The following ARAP2 variants were observed in gnomAD, a reference collection of about 807,000 sequenced individuals.
The protein encoded by ARAP2 is arf-GAP with Rho-GAP domain, ANK repeat and PH domain-containing protein 2.
A neutral mutation model predicts 194.5 loss-of-function variants in ARAP2; 148 were observed. That is an observed-to-expected ratio of 0.76 (90% CI 0.67 to 0.87). The LOEUF (loss-of-function observed/expected upper bound fraction) is 0.87. ARAP2 is among the 40% of genes least tolerant of loss of function. The pLI is 0.00. For synonymous variants in ARAP2, 695 were observed against 683.5 expected (o/e 1.02, Z -0.26); for missense variants, 2,128 against 1,989.7 (o/e 1.07, Z -1.32).
At chr4:36,102,352 T>A (rs192922049) in intron 27 of ARAP2, among the ~76,000 whole-genome samples, 1 of 152,130 alleles carries the variant, frequency 6.6e-6, no homozygotes, top group Admixed American at 6.6e-5. Context: ...ATGGTAATGA[T>A]CTGATGATAT....
In ARAP2 at chr4:36,049,789, G is replaced by C. The variant is rs141199280; in HGVS notation, n.369+2217C>G. ...GGATTACAAAAAGCCAATAAACATG[G>C]AGTATAAGGCTTTATATTTCATTTC... On this transcript the variant is annotated intron_variant and non_coding_transcript_variant, in intron 3 of 12. Coordinates refer to the ARAP2 transcript ENST00000503225. 3.9e-5 allele frequency among the ~76,000 whole-genome samples: 6 copies of C among 152,178 alleles called. No homozygotes were observed. In the East Asian group the frequency reaches 1.2e-3, roughly 29 times the overall value.
At chr4:36,062,195 G>C (rs1577699095), downstream of ARAP2, among the ~76,000 whole-genome samples, 5 of 152,178 alleles carry the variant, frequency 3.3e-5, no homozygotes, top group South Asian at 1.0e-3. Flanking sequence ...TGTGCTTATG[G>C]GGATATTACT....
intron 19 of ARAP2, among the ~76,000 whole-genome samples, chr4:36,144,452 A>T (rs558032312): frequency 6.6e-5 from 10 of 152,056 alleles, no homozygotes; most frequent in Non-Finnish European, 1.5e-4. Context: ...TAAAATTAAC[A>T]ATACTCTCAC....
At chr4:36,017,800 T>C (rs1427715638) in intron 6 of ARAP2, among the ~76,000 whole-genome samples, 2 of 152,014 alleles carry the variant, frequency 1.3e-5, no homozygotes, top group Non-Finnish European at 1.5e-5. Context: ...TTGGCTATTA[T>C]GCTGAGGGGA....
chr4:36,042,976 G>A (rs887745879), intron 5 of ARAP2, among the ~76,000 whole-genome samples: 4 of 151,818 alleles, frequency 2.6e-5, no homozygotes, highest in Admixed American at 2.0e-4. Flanking sequence ...CCAAGTAACT[G>A]GGATTACAGG....
At chr4:36,133,179 C>T (rs770018190) in intron 20 of ARAP2, 47 bp downstream of exon 20, 34 of 1,589,224 alleles carry the variant, frequency 2.1e-5, no homozygotes, top group African/African-American at 1.6e-4. Context: ...CCTGTAAGAA[C>T]GATACAATCA....
intron 25 of ARAP2, 79 bp from the exon 26 acceptor site, chr4:36,114,366 T>A (rs1352914234): frequency 1.2e-6 from 1 of 835,934 alleles, no homozygotes; most frequent in African/African-American, 1.8e-5. Context: ...ATATTCCCCA[T>A]CCACCATTTA....
At chr4:36,104,382 C>T (rs540174159) in intron 27 of ARAP2, among the ~76,000 whole-genome samples, 22 of 151,946 alleles carry the variant, frequency 1.4e-4, no homozygotes, top group South Asian at 8.3e-4. Flanking sequence ...GATTTATTTT[C>T]GTTATTTCCC....
In ARAP2 at chr4:36,105,550, C is replaced by T. The variant is rs562694227; in HGVS notation, c.4285+2015G>A. Among the ~76,000 whole-genome samples the T allele has an allele frequency of 2.6e-5, 4 of 152,022 alleles. No individual in the cohort carries two copies. In the South Asian group the frequency reaches 6.2e-4, roughly 24 times the overall value. On this transcript the variant is annotated intron_variant, in intron 27 of 32. Transcript: ENST00000303965. ...ATGTAATGGGATAGGTGGAACATCA[C>T]GAAAACACCAAATCTTCCTACCCAG...
chr4:36,199,072 G>T (rs1323146317), intron 6 of ARAP2, among the ~76,000 whole-genome samples: 1 of 152,238 alleles, frequency 6.6e-6, no homozygotes, highest in Non-Finnish European at 1.5e-5. Flanking sequence ...CAACTCGGAA[G>T]GGGCAGGGCT....
At chr4:36,147,159 T>A in intron 19 of ARAP2, 137 bp downstream of exon 19, 1 of 657,034 alleles carries the variant, frequency 1.5e-6, no homozygotes, top group South Asian at 2.0e-5. Flanking sequence ...ATATATACTA[T>A]ATATGTATAT....
chr4:36,136,015 T>G (rs889985517), intron 19 of ARAP2, among the ~76,000 whole-genome samples: 1 of 151,800 alleles, frequency 6.6e-6, no homozygotes, highest in Non-Finnish European at 1.5e-5. Context: ...CATGAATTAG[T>G]GAAGAGTAGA....
chr4:36,228,362 A>T (rs1750772353), intron 2 of ARAP2, among the ~76,000 whole-genome samples: 1 of 152,210 alleles, frequency 6.6e-6, no homozygotes, highest in African/African-American at 2.4e-5. Context: ...CCCCCCGCTT[A>T]AATAGGGAAA....
chr4:36,180,474 T>C (rs1218957576), intron 8 of ARAP2, among the ~76,000 whole-genome samples: 1 of 152,230 alleles, frequency 6.6e-6, no homozygotes, highest in African/African-American at 2.4e-5. Context: ...ACTACAATAA[T>C]TTATTACATT....
chr4:36,200,217 T>C (rs115237399), intron 6 of ARAP2, among the ~76,000 whole-genome samples: 1,681 of 148,602 alleles, frequency 0.011, 26 homozygotes, highest in African/African-American at 0.039. Context: ...CACTTATATC[T>C]TTTCTCAGCA....
chr4:36,063,422 C>T (rs1325595962), downstream of ARAP2, among the ~76,000 whole-genome samples: 1 of 150,038 alleles, frequency 6.7e-6, no homozygotes, highest in Admixed American at 6.7e-5. Flanking sequence ...CAAACTTGCA[C>T]GTTGTGCACA....
intron 27 of ARAP2, among the ~76,000 whole-genome samples, chr4:36,103,676 A>G (rs1156492767): frequency 6.6e-6 from 1 of 151,808 alleles, no homozygotes; most frequent in Non-Finnish European, 1.5e-5. Context: ...AATGCCTTTG[A>G]AAAACACAAA....
At chr4:36,044,061 C>T (rs1452667448) in intron 5 of ARAP2, among the ~76,000 whole-genome samples, 1 of 152,044 alleles carries the variant, frequency 6.6e-6, no homozygotes, top group Non-Finnish European at 1.5e-5. Flanking sequence ...AAGAGAAGCA[C>T]TCAGAGGAAT....
intron 6 of ARAP2, among the ~76,000 whole-genome samples, 192 bp downstream of exon 6, chr4:36,210,198 T>C (rs1746436051): frequency 1.3e-5 from 2 of 152,178 alleles, no homozygotes; most frequent in South Asian, 2.1e-4. Flanking sequence ...CAGCATTGCA[T>C]TGCACATCTC....
Sources: allele counts gnomAD v4.1 joint callset (sites outside exome capture counted in the v4.1 genomes callset), GRCh38; gene constraint gnomAD v4.1.1; transcripts MANE v1.5; gene names NCBI Gene and HGNC (gene_info 2026-07-23, HGNC 2026-07-21).